The following AGTRAP variants were observed in gnomAD, a reference collection of about 807,000 sequenced individuals.
AGTRAP encodes type-1 angiotensin II receptor-associated protein.
In AGTRAP, 7 loss-of-function variants were observed where a neutral mutation model predicts 15.2. The ratio of observed to expected loss-of-function variants is 0.46; its 90% CI spans 0.26 to 0.87. AGTRAP has a LOEUF of 0.87. Among genes scored for constraint, AGTRAP ranks in the 40% least tolerant of loss-of-function variants. The pLI is 0.15. For synonymous variants in AGTRAP, 74 were observed against 89.6 expected (o/e 0.83, Z 0.98); for missense variants, 187 against 213.4 (o/e 0.88, Z 0.77).
rs552893638 is a variant in AGTRAP, at chr1:11,739,147, C to T, written c.27+2912C>T. Among the ~76,000 whole-genome samples, 368 of 152,274 alleles carry T rather than the reference C, an allele frequency of 2.4e-3. 3 individuals are homozygous for T. Among genetic ancestry groups the T allele is most frequent in the African/African-American group, 8.4e-3 (348 of 41,552 alleles). On this transcript the variant is annotated intron_variant, in intron 1 of 4. Transcript: ENST00000314340. The stretch of plus-strand genomic sequence containing the variant: ...TTTCTGTGTGACCTTGAGTAGGTTT[C>T]TGAACTCTCTCAGTATCTATTTCTT...
In AGTRAP at chr1:11,748,282, G is replaced by A. The variant is rs1355522225; in HGVS notation, c.169-133G>A. 5 of 1,035,792 alleles carry A rather than the reference G, an allele frequency of 4.8e-6. No individual in the cohort carries two copies. The Admixed American group carries it at 7.0e-5, about 14-fold the overall frequency. The allele number at this position is 1,035,792 out of a possible 1,614,324, so 64.2% of individuals were successfully genotyped here. On this transcript the variant is annotated intron_variant, in intron 3 of 4. Transcript: ENST00000314340. ...GCGGCTCCCCAGCGGGGCCCTGCCT[G>A]CTTGCTTGATCCATTTTCCCGCAAG... is the stretch of plus-strand genomic sequence containing the variant.
chr1:11,750,733 T>G lies in AGTRAP; in HGVS notation c.*541T>G. On this transcript the variant is annotated 3_prime_UTR_variant, in exon 5 of 5. Transcript: ENST00000314340. ...TCCCACCACAACCTCCAGCCTCCCTTTTCAGAGCACAGCATTAAAGTTTGG... is the reference window on the plus strand; with the variant it reads ...TCCCACCACAACCTCCAGCCTCCCTGTTCAGAGCACAGCATTAAAGTTTGG... 1 of 188,156 alleles carries G rather than the reference T, an allele frequency of 5.3e-6. No individual in the cohort carries two copies. The highest frequency in any genetic ancestry group is 5.5e-5 in the Admixed American group (1 of 18,088). 11.7% of individuals were successfully genotyped at this position (188,156 alleles called of 1,614,324 possible). A position where few individuals can be genotyped will look rare whatever the true frequency, so the allele number is the denominator to read the frequency against.
chr1:11,747,344 C>A, intron 2 of AGTRAP, 96 bp from the exon 3 acceptor site: 1 of 1,133,548 alleles, frequency 8.8e-7, no homozygotes, highest in Non-Finnish European at 1.3e-6. Flanking sequence ...AAGACTATGG[C>A]ATGTTCTGGG....
chr1:11,742,661 G>C (rs994441060), intron 1 of AGTRAP, among the ~76,000 whole-genome samples: 2 of 152,084 alleles, frequency 1.3e-5, no homozygotes, highest in Non-Finnish European at 2.9e-5. Context: ...CTCCCAGGTA[G>C]CTGGGGCTAT....
chr1:11,737,326 T>A (rs1641924737), intron 1 of AGTRAP, among the ~76,000 whole-genome samples: 1 of 152,164 alleles, frequency 6.6e-6, no homozygotes, highest in Admixed American at 6.5e-5. Context: ...GAAATTTACG[T>A]GACAGCAGCC....
rs578158648 is a variant in AGTRAP at position 11,750,063 on chromosome 1, C to T, written c.365-14C>T. On this transcript the variant is annotated splice_polypyrimidine_tract_variant and intron_variant, in intron 4 of 4. Transcript: ENST00000314340. ...CCTTCATTTTTCTTTCCCACCATGT[C>T]CCCTGTCACCTAGGTTTCCTTGGGT... 2.9e-5 allele frequency: 46 copies of T among 1,603,554 alleles called. 1 individual carries two copies. The East Asian group carries it at 9.1e-4, about 32-fold the overall frequency.
intron 1 of AGTRAP, 98 bp downstream of exon 1, chr1:11,736,333 G>C (rs944744484): frequency 2.6e-5 from 39 of 1,515,520 alleles, no homozygotes; most frequent in African/African-American, 5.5e-5. Context: ...TTTGGGGAAA[G>C]AGGGATGGTA....
chr1:11,748,888 C>T (rs1642242685), intron 4 of AGTRAP, among the ~76,000 whole-genome samples: 3 of 152,192 alleles, frequency 2.0e-5, no homozygotes, highest in Admixed American at 1.3e-4. Context: ...ACAGGCACAG[C>T]TGGGGGTACC....
At chr1:11,744,533 T>G (rs17875987) in intron 1 of AGTRAP, 39,715 of 716,136 alleles carry the variant, frequency 0.055, 1,649 homozygotes, top group Non-Finnish European at 0.073. Context: ...CCCCCCACAG[T>G]GCGCCAGCTC....
At chr1:11,740,975 G>A (rs892547708) in intron 1 of AGTRAP, among the ~76,000 whole-genome samples, 7 of 152,174 alleles carry the variant, frequency 4.6e-5, no homozygotes, top group South Asian at 4.2e-4. Flanking sequence ...GTGGTCCAGG[G>A]TTTACTATCA....
intron 3 of AGTRAP, 128 bp from the exon 4 acceptor site, chr1:11,748,287 C>T (rs1642220459): frequency 1.8e-6 from 2 of 1,081,734 alleles, no homozygotes; most frequent in Non-Finnish European, 2.7e-6. Context: ...TGCCTGCTTG[C>T]TTGATCCATT....
chr1:11,747,358 A>C, intron 2 of AGTRAP, 82 bp from the exon 3 acceptor site: 1 of 1,262,090 alleles, frequency 7.9e-7, no homozygotes, highest in Non-Finnish European at 1.2e-6. Context: ...TTCTGGGAGG[A>C]GGCCCTGAGA....
chr1:11,741,175 G>A (rs1268548212), intron 1 of AGTRAP, among the ~76,000 whole-genome samples: 4 of 150,420 alleles, frequency 2.7e-5, no homozygotes, highest in Admixed American at 6.6e-5. Context: ...TGTGAGTGCC[G>A]CCCCTCCTGC....
chr1:11,750,043 A>G (rs2100783051), intron 4 of AGTRAP, 34 bp from the exon 5 acceptor site: 1 of 1,569,194 alleles, frequency 6.4e-7, no homozygotes, highest in Non-Finnish European at 8.8e-7. Flanking sequence ...CTCACCCTTC[A>G]TTTTTCTTTC....
At chr1:11,750,053 C>T (rs774349393) in intron 4 of AGTRAP, 24 bp from the exon 5 acceptor site, 5 of 1,586,904 alleles carry the variant, frequency 3.2e-6, no homozygotes, top group Non-Finnish European at 4.3e-6. Flanking sequence ...ATTTTTCTTT[C>T]CCACCATGTC....
rs774111407 is a variant in AGTRAP, at chr1:11,736,170, C to T, written c.-39C>T. The T allele has an allele frequency of 3.1e-6, 5 of 1,588,774 alleles. No homozygotes were observed. Among genetic ancestry groups the T allele is most frequent in the African/African-American group, 1.3e-5 (1 of 74,892 alleles). ...CCCCGAGTTCGGAGCCTAGGAGCCCCCCGCGGCTGCGGCGCAGGTGCCCTC... is the reference window on the plus strand; with the variant it reads ...CCCCGAGTTCGGAGCCTAGGAGCCCTCCGCGGCTGCGGCGCAGGTGCCCTC... On this transcript the variant is annotated 5_prime_UTR_variant, in exon 1 of 5. Coordinates refer to ENST00000314340, the MANE Select transcript of AGTRAP (RefSeq NM_020350.5).
chr1:11,750,739 A>T lies in AGTRAP; in HGVS notation c.*547A>T. ...CACAACCTCCAGCCTCCCTTTTCAG[A>T]GCACAGCATTAAAGTTTGGGGAATT... On this transcript the variant is annotated 3_prime_UTR_variant, in exon 5 of 5. Transcript: ENST00000314340. The T allele has an allele frequency of 5.4e-6, 1 of 185,066 alleles. No individual in the cohort carries two copies. 11.5% of individuals were successfully genotyped at this position (185,066 alleles called of 1,614,324 possible). A position where few individuals can be genotyped will look rare whatever the true frequency, so the allele number is the denominator to read the frequency against.
rs1013416381 is a variant in AGTRAP at position 11,750,208 on chromosome 1, G to A, written c.*16G>A. Reference sequence around the variant, plus strand: ...AGGGTACTGAAGCCAGCCACGCTGCGCCCGGCCCTGCCCCGGGCCTTCCTC... The same window carrying A: ...AGGGTACTGAAGCCAGCCACGCTGCACCCGGCCCTGCCCCGGGCCTTCCTC... On this transcript the variant is annotated 3_prime_UTR_variant, in exon 5 of 5. Transcript: ENST00000314340. 19 of 1,599,218 alleles carry A rather than the reference G, an allele frequency of 1.2e-5. 1 individual carries two copies. Among genetic ancestry groups the A allele is most frequent in the South Asian group, 2.2e-5 (2 of 90,468 alleles).
At position 11,736,203 on chromosome 1, in the gene AGTRAP, G is replaced by A; in HGVS notation, c.-6G>A. 1.2e-6 allele frequency: 2 copies of A among 1,605,750 alleles called. No homozygotes were observed. Among genetic ancestry groups the A allele is most frequent in the Non-Finnish European group, 1.7e-6 (2 of 1,177,054 alleles). On this transcript the variant is annotated 5_prime_UTR_variant, in exon 1 of 5. Coordinates refer to ENST00000314340, the MANE Select transcript of AGTRAP (RefSeq NM_020350.5). Reference sequence around the variant, plus strand: ...TGCGGCGCAGGTGCCCTCGGCCTGAGTCGGGATGGAGCTGCCTGCTGTGAA... The same window carrying A: ...TGCGGCGCAGGTGCCCTCGGCCTGAATCGGGATGGAGCTGCCTGCTGTGAA...
Sources: allele counts gnomAD v4.1 joint callset (sites outside exome capture counted in the v4.1 genomes callset), GRCh38; gene constraint gnomAD v4.1.1; transcripts MANE v1.5; gene names NCBI Gene and HGNC (gene_info 2026-07-23, HGNC 2026-07-21).